The following PACRG variants were observed in gnomAD, a reference collection of about 807,000 sequenced individuals.
PACRG encodes the protein parkin coregulated gene protein.
In PACRG, 29 loss-of-function variants were observed where a neutral mutation model predicts 29.7. That is an observed-to-expected ratio of 0.98 (90% CI 0.73 to 1.33). The LOEUF (loss-of-function observed/expected upper bound fraction) is 1.33. Among genes scored for constraint, PACRG ranks in the 40% most tolerant of loss-of-function variants. The pLI, the probability that PACRG is intolerant of heterozygous loss-of-function variation, is 0.00. For synonymous variants in PACRG, 116 were observed against 118.7 expected (o/e 0.98, Z 0.15); for missense variants, 279 against 316.2 (o/e 0.88, Z 0.89).
intron 2 of PACRG, among the ~76,000 whole-genome samples, chr6:162,883,969 C>T (rs114570759): frequency 0.016 from 2,476 of 152,226 alleles, 65 homozygotes; most frequent in African/African-American, 0.057. Flanking sequence ...GACAGGGTCT[C>T]ACTCTGTCAC....
At chr6:162,731,298 G>A (rs1175985226) in intron 1 of PACRG, among the ~76,000 whole-genome samples, 1 of 152,044 alleles carries the variant, frequency 6.6e-6, no homozygotes, top group Admixed American at 6.6e-5. Context: ...TACAGATATA[G>A]TCAGCTCTTT....
At chr6:162,908,900 G>A (rs1016268615) in intron 2 of PACRG, among the ~76,000 whole-genome samples, 1 of 151,974 alleles carries the variant, frequency 6.6e-6, no homozygotes, top group African/African-American at 2.4e-5. Flanking sequence ...CAAATTATTG[G>A]ACTGTCATTC....
At chr6:162,790,329 T>C (rs1253501217) in intron 1 of PACRG, among the ~76,000 whole-genome samples, 3 of 152,030 alleles carry the variant, frequency 2.0e-5, no homozygotes, top group Non-Finnish European at 4.4e-5. Flanking sequence ...ATACATTTGC[T>C]CTCCCCGCAC....
At chr6:163,188,708 TA>T (rs1162494355) in intron 4 of PACRG, among the ~76,000 whole-genome samples, 1 of 152,196 alleles carries the variant, frequency 6.6e-6, no homozygotes, top group Non-Finnish European at 1.5e-5. Flanking sequence ...ATAATCTGCA[TA>T]AAAATTCCCT....
intron 2 of PACRG, among the ~76,000 whole-genome samples, chr6:163,003,167 T>A (rs1238176816): frequency 6.6e-6 from 1 of 152,188 alleles, no homozygotes; most frequent in Non-Finnish European, 1.5e-5. Context: ...GCATTATTAC[T>A]TCTCTTAAAG....
chr6:163,269,170 A>C (rs1783643951), intron 4 of PACRG, among the ~76,000 whole-genome samples: 1 of 152,208 alleles, frequency 6.6e-6, no homozygotes, highest in Non-Finnish European at 1.5e-5. Context: ...GAACAAATGG[A>C]GGCACACATC....
intron 4 of PACRG, among the ~76,000 whole-genome samples, chr6:163,126,762 C>A (rs2128327369): frequency 6.6e-6 from 1 of 152,200 alleles, no homozygotes; most frequent in South Asian, 2.1e-4. Context: ...TGCCACAGAC[C>A]CAGATAGACA....
intron 2 of PACRG, among the ~76,000 whole-genome samples, chr6:162,905,844 G>T (rs1229936796): frequency 6.6e-6 from 1 of 152,118 alleles, no homozygotes; most frequent in Non-Finnish European, 1.5e-5. Flanking sequence ...CAGTCCAATG[G>T]AGAGTGAAAT....
intron 4 of PACRG, among the ~76,000 whole-genome samples, chr6:163,143,664 A>G (rs1335783321): frequency 6.6e-6 from 1 of 152,106 alleles, no homozygotes; most frequent in Non-Finnish European, 1.5e-5. Flanking sequence ...TTTGATATTG[A>G]ACTAAACTTC....
At chr6:162,977,303 A>G (rs1356222045) in intron 2 of PACRG, among the ~76,000 whole-genome samples, 1 of 152,118 alleles carries the variant, frequency 6.6e-6, no homozygotes, top group African/African-American at 2.4e-5. Context: ...AGATAAATGA[A>G]TATAAATTGT....
intron 4 of PACRG, among the ~76,000 whole-genome samples, chr6:163,265,251 C>T (rs1291396411): frequency 6.6e-6 from 1 of 152,156 alleles, no homozygotes; most frequent in Non-Finnish European, 1.5e-5. Context: ...CTCAGTCGGT[C>T]CTGGTGTGGG....
At chr6:162,973,170 C>T (rs1444063369) in intron 2 of PACRG, among the ~76,000 whole-genome samples, 1 of 152,174 alleles carries the variant, frequency 6.6e-6, no homozygotes, top group African/African-American at 2.4e-5. Flanking sequence ...TTAGTTGAAA[C>T]ACAGCATAAG....
intron 2 of PACRG, among the ~76,000 whole-genome samples, chr6:162,816,644 G>C (rs9356064): frequency 1.3e-5 from 2 of 152,094 alleles, no homozygotes; most frequent in Non-Finnish European, 2.9e-5. Flanking sequence ...GAGCCACCGC[G>C]CCCAGCCAAG....
At chr6:162,807,934 A>G (rs2128350472) in intron 1 of PACRG, among the ~76,000 whole-genome samples, 2 of 152,340 alleles carry the variant, frequency 1.3e-5, no homozygotes, top group Middle Eastern at 6.8e-3. Context: ...ATCATAATAT[A>G]TTGTTAAATT....
intron 1 of PACRG, among the ~76,000 whole-genome samples, chr6:162,811,271 A>C (rs1188221674): frequency 4.6e-5 from 7 of 152,218 alleles, no homozygotes; most frequent in Non-Finnish European, 7.4e-5. Context: ...AACCGAAGAC[A>C]CAAATTACCA....
intron 4 of PACRG, among the ~76,000 whole-genome samples, chr6:163,127,781 A>G (rs922212079): frequency 1.3e-5 from 2 of 152,234 alleles, no homozygotes; most frequent in African/African-American, 2.4e-5. Context: ...ACAATGTGCC[A>G]TAACTTCCAC....
intron 2 of PACRG, among the ~76,000 whole-genome samples, chr6:163,013,303 T>C (rs1383083653): frequency 6.6e-6 from 1 of 151,292 alleles, no homozygotes; most frequent in East Asian, 1.9e-4. Context: ...TTGGTAGCCA[T>C]ACTCATAAGT....
chr6:162,749,074 T>C (rs183791647), intron 1 of PACRG, among the ~76,000 whole-genome samples: 2 of 152,168 alleles, frequency 1.3e-5, no homozygotes, highest in African/African-American at 4.8e-5. Flanking sequence ...CAGAATTATT[T>C]TGAGATGCAT....
chr6:163,002,107 A>G (rs934836098), intron 2 of PACRG, among the ~76,000 whole-genome samples: 1 of 152,218 alleles, frequency 6.6e-6, no homozygotes, highest in Non-Finnish European at 1.5e-5. Context: ...TCAGAACGAC[A>G]GAATATTGTA....
Sources: gnomAD v4.1 joint callset for allele counts (sites outside exome capture counted in the v4.1 genomes callset) on GRCh38, gnomAD v4.1.1 for gene constraint, MANE v1.5 for transcripts, NCBI Gene and HGNC (gene_info 2026-07-23, HGNC 2026-07-21) for gene names.